AHCYL2: variants seen among roughly 807,000 people sequenced by gnomAD.
AHCYL2 encodes the protein adenosylhomocysteinase like 2, also known as S-adenosylhomocysteine hydrolase-like protein 2.
AHCYL2 carries 28 observed loss-of-function variants against 81.4 expected under a neutral mutation model. That is an observed-to-expected ratio of 0.34 (90% CI 0.25 to 0.47). The LOEUF (loss-of-function observed/expected upper bound fraction) is 0.47, where lower values mean the gene tolerates loss of function less well. AHCYL2 is among the 20% of genes least tolerant of loss of function. The probability of loss-of-function intolerance (pLI) is 1.00; values close to 1 mark genes in which losing one functional copy is unlikely to be tolerated. For synonymous variants in AHCYL2, 272 were observed against 290.2 expected, an observed-to-expected ratio of 0.94 and a Z score of 0.64; for missense variants, 551 against 785.1, an observed-to-expected ratio of 0.70 and a Z score of 3.56.
chr7:129,294,500 G>T (rs1318290596), intron 1 of AHCYL2, among the ~76,000 whole-genome samples: 3 of 152,102 alleles, frequency 2.0e-5, no homozygotes, highest in Non-Finnish European at 2.9e-5. Flanking sequence ...TGAGGTAGAT[G>T]GTATATCAAT....
Position 129,430,140 on chromosome 7 carries a change from T to C in AHCYL2, c.*3095T>C, listed in dbSNP as rs896203178. 6 of 152,488 alleles carry C rather than the reference T, an allele frequency of 3.9e-5. No individual in the cohort carries two copies. Among genetic ancestry groups the C allele is most frequent in the Non-Finnish European group, 5.9e-5 (4 of 68,018 alleles). 9.4% of individuals were successfully genotyped at this position (152,488 alleles called of 1,614,324 possible). On this transcript the variant is annotated 3_prime_UTR_variant, in exon 17 of 17. Coordinates refer to ENST00000325006, the MANE Select transcript of AHCYL2 (RefSeq NM_015328.4). ...AGAAGTTCTTGGAAATCTTTATGTC[T>C]AAGTGATTGTATTAGATCAGCAATA...
intron 5 of AHCYL2, among the ~76,000 whole-genome samples, chr7:129,399,584 G>C (rs1795924557): frequency 6.6e-6 from 1 of 152,034 alleles, no homozygotes; most frequent in Non-Finnish European, 1.5e-5. Flanking sequence ...AAACACGTAA[G>C]GGTTTTTTTC....
intron 1 of AHCYL2, among the ~76,000 whole-genome samples, chr7:129,249,877 A>G (rs1426724692): frequency 3.3e-5 from 5 of 152,130 alleles, no homozygotes; most frequent in African/African-American, 1.2e-4. Context: ...GTCCCTTCAT[A>G]TTGTAGCCTG....
intron 1 of AHCYL2, among the ~76,000 whole-genome samples, chr7:129,312,649 TAC>T (rs781374813): frequency 3.3e-5 from 5 of 152,204 alleles, no homozygotes; most frequent in African/African-American, 4.8e-5. Context: ...ACCTTTTTGC[TAC>T]AGTTACCTAT....
chr7:129,248,698 A>G (rs1795145600), intron 1 of AHCYL2, among the ~76,000 whole-genome samples: 1 of 151,198 alleles, frequency 6.6e-6, no homozygotes, highest in African/African-American at 2.4e-5. Context: ...TAAGCTTGTC[A>G]ATGTTTACAG....
At chr7:129,378,811 C>T (rs1794812052) in intron 1 of AHCYL2, among the ~76,000 whole-genome samples, 1 of 152,102 alleles carries the variant, frequency 6.6e-6, no homozygotes, top group Non-Finnish European at 1.5e-5. Context: ...ATTTTCTCAT[C>T]TAGATATATG....
intron 1 of AHCYL2, among the ~76,000 whole-genome samples, chr7:129,273,662 A>G (rs1796097944): frequency 6.6e-6 from 1 of 152,026 alleles, no homozygotes; most frequent in Non-Finnish European, 1.5e-5. Context: ...GCCTCACAAA[A>G]CCTTTCAATT....
intron 1 of AHCYL2, among the ~76,000 whole-genome samples, chr7:129,344,857 T>C (rs748715805): frequency 2.6e-5 from 4 of 152,084 alleles, no homozygotes; most frequent in Non-Finnish European, 4.4e-5. Context: ...GTAGCTCAAA[T>C]AGAAATCCTT....
chr7:129,226,179 A>G (rs1442813921), intron 1 of AHCYL2, among the ~76,000 whole-genome samples: 1 of 152,212 alleles, frequency 6.6e-6, no homozygotes, highest in Non-Finnish European at 1.5e-5. Context: ...ATAGGAAGAA[A>G]TGCTGCTACT....
chr7:129,318,509 G>A (rs527593926), intron 1 of AHCYL2, among the ~76,000 whole-genome samples: 2 of 152,284 alleles, frequency 1.3e-5, no homozygotes, highest in South Asian at 2.1e-4. Flanking sequence ...GATAAAGGTG[G>A]CATTTTAAAT....
chr7:129,253,155 C>T (rs1311976165), intron 1 of AHCYL2, among the ~76,000 whole-genome samples: 2 of 148,968 alleles, frequency 1.3e-5, no homozygotes, highest in Non-Finnish European at 3.0e-5. Context: ...TGCAGTGAGC[C>T]GAGATTGTAC....
intron 1 of AHCYL2, among the ~76,000 whole-genome samples, chr7:129,229,550 C>T (rs1794346723): frequency 6.6e-6 from 1 of 152,190 alleles, no homozygotes; most frequent in Non-Finnish European, 1.5e-5. Flanking sequence ...TCTCCAAAGC[C>T]CATGTCCTTT....
chr7:129,320,114 A>T (rs952165985), intron 1 of AHCYL2, among the ~76,000 whole-genome samples: 1 of 152,182 alleles, frequency 6.6e-6, no homozygotes, highest in Admixed American at 6.5e-5. Flanking sequence ...TTGCAATTCC[A>T]TAATGTCTGA....
chr7:129,291,997 C>T (rs1796884401), intron 1 of AHCYL2, among the ~76,000 whole-genome samples: 1 of 151,950 alleles, frequency 6.6e-6, no homozygotes, highest in East Asian at 1.9e-4. Flanking sequence ...TTTTCCCAGG[C>T]CATCATTTCA....
At chr7:129,405,012 C>A in intron 7 of AHCYL2, 85 bp from the exon 8 acceptor site, 1 of 769,760 alleles carries the variant, frequency 1.3e-6, no homozygotes, top group Non-Finnish European at 2.1e-6. Context: ...CCTACCCAAT[C>A]AACGTATTTC....
At chr7:129,395,889 T>C (rs555417854) in intron 4 of AHCYL2, among the ~76,000 whole-genome samples, 3 of 152,200 alleles carry the variant, frequency 2.0e-5, no homozygotes, top group Non-Finnish European at 4.4e-5. Context: ...AAAGTTTAGC[T>C]GATATTTTCT....
intron 1 of AHCYL2, among the ~76,000 whole-genome samples, chr7:129,343,102 C>G (rs1183689706): frequency 6.6e-6 from 1 of 152,054 alleles, no homozygotes; most frequent in African/African-American, 2.4e-5. Context: ...ATTAAAGTTG[C>G]TTAAAATAGC....
Position 129,389,743 on chromosome 7 carries a change from T to C in AHCYL2, c.720+9T>C, listed in dbSNP as rs1245649649. The C allele has an allele frequency of 6.3e-7, 1 of 1,596,476 alleles. No individual in the cohort carries two copies. The highest frequency in any genetic ancestry group is 1.8e-5 in the Admixed American group (1 of 55,232). On this transcript the variant is annotated intron_variant, in intron 4 of 16. Transcript: ENST00000325006. ...TCACTGCTCAGACTGCTGTGAGTTC[T>C]TTTCTTTTCTCCTTTTAATTACAAT...
intron 1 of AHCYL2, among the ~76,000 whole-genome samples, chr7:129,326,569 C>T (rs1798233844): frequency 6.6e-6 from 1 of 151,922 alleles, no homozygotes; most frequent in African/African-American, 2.4e-5. Context: ...ATGAAAACTG[C>T]TAGTTTTAAT....
Sources: allele counts gnomAD v4.1 joint callset (sites outside exome capture counted in the v4.1 genomes callset), GRCh38; gene constraint gnomAD v4.1.1; transcripts MANE v1.5; gene names NCBI Gene and HGNC (gene_info 2026-07-23, HGNC 2026-07-21).